The following RFESD variants were observed in gnomAD, a reference collection of about 807,000 sequenced individuals.
RFESD encodes the protein Rieske Fe-S domain containing, also known as Rieske domain-containing protein.
A neutral mutation model predicts 24.4 loss-of-function variants in RFESD; 16 were observed. The observed-to-expected ratio is 0.66, with a 90% CI of 0.44 to 1.00. RFESD has a LOEUF of 1.00. Among genes scored for constraint, RFESD ranks in the 50% least tolerant of loss-of-function variants. RFESD has a pLI of 0.00. For missense variants in RFESD, 208 were observed against 247.0 expected (o/e 0.84, Z 1.06); for synonymous variants, 59 against 81.8 (o/e 0.72, Z 1.50).
chr5:95,652,511 C>T, intron 2 of RFESD, 180 bp downstream of exon 2: 1 of 781,676 alleles, frequency 1.3e-6, no homozygotes. Context: ...TGCAAAAATA[C>T]CATTCATTTC....
intron 3 of RFESD, among the ~76,000 whole-genome samples, chr5:95,653,852 C>G (rs1023707079): frequency 3.3e-5 from 5 of 152,094 alleles, no homozygotes; most frequent in Admixed American, 2.0e-4. Flanking sequence ...GAGCTGAGAT[C>G]GTGCTACTGC....
At chr5:95,649,932 C>G (rs1390506169) in intron 1 of RFESD, among the ~76,000 whole-genome samples, 2 of 151,994 alleles carry the variant, frequency 1.3e-5, no homozygotes, top group African/African-American at 2.4e-5. Context: ...TTGTCTGTTC[C>G]CATTTTTCTT....
intron 1 of RFESD, among the ~76,000 whole-genome samples, chr5:95,650,144 G>T (rs1053959842): frequency 1.3e-5 from 2 of 151,996 alleles, no homozygotes; most frequent in African/African-American, 4.8e-5. Context: ...CTTTGCCTTT[G>T]CTTTAAAATA....
At chr5:95,653,853 G>A (rs970087588) in intron 3 of RFESD, among the ~76,000 whole-genome samples, 7 of 152,122 alleles carry the variant, frequency 4.6e-5, no homozygotes, top group African/African-American at 7.2e-5. Context: ...AGCTGAGATC[G>A]TGCTACTGCA....
intron 1 of RFESD, 74 bp from the exon 2 acceptor site, chr5:95,652,063 A>G: frequency 2.2e-6 from 1 of 454,984 alleles, no homozygotes; most frequent in Non-Finnish European, 3.7e-6. Flanking sequence ...TTCATGTATT[A>G]TTTATTGTTT....
Position 95,652,185 on chromosome 5 carries a change from C to A in RFESD, c.-87C>A. 1 of 1,461,030 alleles carries A rather than the reference C, an allele frequency of 6.8e-7. No individual in the cohort carries two copies. 90.5% of individuals were successfully genotyped at this position (1,461,030 alleles called of 1,614,324 possible). ...GGAGAATATAAGACAGAGAAGAAAG[C>A]TGTGAATGAATTTCATTTGATTAGC... On this transcript the variant is annotated 5_prime_UTR_variant, in exon 2 of 6. It adds an upstream start codon to the 5' untranslated region. Coordinates refer to ENST00000380005, the MANE Select transcript of RFESD (RefSeq NM_001131066.2).
intron 1 of RFESD, chr5:95,647,170 A>G (rs1272130028): frequency 3.3e-5 from 5 of 152,136 alleles, no homozygotes; most frequent in Admixed American, 6.5e-5. Flanking sequence ...TCCTGGAGAT[A>G]CTCGCCTCCT....
rs771678629 is a variant in RFESD, at chr5:95,656,248, T to G, written c.572T>G (p.Phe191Cys). 5.6e-6 allele frequency: 9 copies of G among 1,613,434 alleles called. No homozygotes were observed. The South Asian group carries it at 8.8e-5, about 16-fold the overall frequency. Residue 191 changes from phenylalanine (F) to cysteine (C), a missense_variant, in exon 6 of 6, where the codon TTT becomes TGT. Phe to Cys is a radical substitution (Grantham distance 205, BLOSUM62 -2). Transcript: ENST00000380005. ...NIYVTLSNEP[F>C]KCDSDFYATG... ...TATGTGACTCTTTCTAATGAACCTTTTAAGTGTGACTCTGATTTTTATGCC... is the reference window on the plus strand; with the variant it reads ...TATGTGACTCTTTCTAATGAACCTTGTAAGTGTGACTCTGATTTTTATGCC...
chr5:95,652,838 G>T, intron 2 of RFESD: 1 of 378,648 alleles, frequency 2.6e-6, no homozygotes, highest in Non-Finnish European at 4.7e-6. Flanking sequence ...CCTTTTTCAT[G>T]GACCCCTAGC....
Position 95,656,103 on chromosome 5 carries a change from G to C in RFESD, c.427G>C (p.Ala143Pro). 3 of 1,613,636 alleles carry C rather than the reference G, an allele frequency of 1.9e-6. No individual in the cohort carries two copies. The highest frequency in any genetic ancestry group is 2.5e-6 in the Non-Finnish European group (3 of 1,179,688). The change falls in exon 6 of 6, where the codon GCA (alanine) becomes CCA (proline). Residue 143 changes from alanine (A) to proline (P), a missense_variant. By Grantham distance (27) the Ala-to-Pro change is conservative (BLOSUM62 -1). Transcript: ENST00000380005. ...CTGGCATAAATACAAAATTACTTTG[G>C]CAACAGGAGAAGGTCTGTACCAGTC... ...CPWHKYKITL[A>P]TGEGLYQSIN... is the part of the protein sequence containing the mutation.
At chr5:95,653,688 C>T (rs1750508457) in intron 3 of RFESD, among the ~76,000 whole-genome samples, 1 of 152,142 alleles carries the variant, frequency 6.6e-6, no homozygotes, top group South Asian at 2.1e-4. Context: ...TACTTGAGGT[C>T]AGGAGTTTGA....
At chr5:95,650,985 C>T (rs1750302537) in intron 1 of RFESD, among the ~76,000 whole-genome samples, 1 of 151,352 alleles carries the variant, frequency 6.6e-6, no homozygotes, top group Admixed American at 6.6e-5. Flanking sequence ...GTAGTCCCAG[C>T]TACTTGGGAA....
intron 5 of RFESD, among the ~76,000 whole-genome samples, chr5:95,654,793 GGAT>G (rs1750629144): frequency 6.6e-6 from 1 of 152,028 alleles, no homozygotes; most frequent in Non-Finnish European, 1.5e-5. Context: ...GCACGTCATA[GGAT>G]GATAATAGTC....
At position 95,654,040 on chromosome 5, in the gene RFESD, TCC is replaced by T; in HGVS notation, c.159-20_159-19del. ...AATTAGTGAATACTTCTTGTAACTT[TCC>T]TTCTTTATGTTCAACTAGCATGAAT... On this transcript the variant is annotated intron_variant, in intron 3 of 5. Coordinates refer to ENST00000380005, the MANE Select transcript of RFESD (RefSeq NM_001131066.2). 1 of 1,600,466 alleles carries T rather than the reference TCC, an allele frequency of 6.2e-7. No homozygotes were observed. Among genetic ancestry groups the T allele is most frequent in the South Asian group, 1.1e-5 (1 of 88,824 alleles).
At chr5:95,648,716 A>G (rs749628602) in intron 1 of RFESD, among the ~76,000 whole-genome samples, 10 of 152,286 alleles carry the variant, frequency 6.6e-5, no homozygotes, top group Non-Finnish European at 1.0e-4. Context: ...CAGTCCCGTA[A>G]AAGTTCACCA....
At chr5:95,647,478 C>T (rs1040318537) in intron 1 of RFESD, 36 of 152,204 alleles carry the variant, frequency 2.4e-4, no homozygotes, top group African/African-American at 7.7e-4. Flanking sequence ...CCCCAAATCA[C>T]GCAGAACTGG....
In RFESD at chr5:95,657,321, T is replaced by C. The variant is rs983717635; in HGVS notation, c.*1012T>C. Reference sequence around the variant, plus strand: ...TTCAGTTGCAATGATGGTCATACCGTACCAGTTGTAATGTATTTAAAATAA... The same window carrying C: ...TTCAGTTGCAATGATGGTCATACCGCACCAGTTGTAATGTATTTAAAATAA... On this transcript the variant is annotated 3_prime_UTR_variant, in exon 6 of 6. Transcript: ENST00000380005. The C allele has an allele frequency of 6.6e-6, 1 of 151,944 alleles. No homozygotes were observed. The highest frequency in any genetic ancestry group is 2.4e-5 in the African/African-American group (1 of 41,364). 9.4% of individuals were successfully genotyped at this position (151,944 alleles called of 1,614,324 possible). A position where few individuals can be genotyped will look rare whatever the true frequency, so the allele number is the denominator to read the frequency against.
rs756991058 is a variant in RFESD, at chr5:95,654,345, C to T, written c.347C>T (p.Pro116Leu). ...MDIRCYHSGG[P>L]LHLGDIEDFD... ...AATTCCTTTTCAGACTCAGGAGGAC[C>T]TTTACATTTGGGAGATATAGAGGTA... Residue 116 changes from proline (P) to leucine (L), a missense_variant, in exon 5 of 6, where the codon CCT becomes CTT. Coordinates refer to ENST00000380005, the MANE Select transcript of RFESD (RefSeq NM_001131066.2). The T allele has an allele frequency of 1.2e-6, 2 of 1,608,184 alleles. No homozygotes were observed. The highest frequency in any genetic ancestry group is 1.7e-5 in the Admixed American group (1 of 59,854).
At position 95,646,867 on chromosome 5, in the gene RFESD, T is replaced by C. The variant is rs895934491; in HGVS notation, c.-136+50T>C. 9 of 152,654 alleles carry C rather than the reference T, an allele frequency of 5.9e-5. 1 individual carries two copies. The highest frequency in any genetic ancestry group is 2.1e-4 in the South Asian group (1 of 4,840). The allele number at this position is 152,654 out of a possible 1,614,324, so 9.5% of individuals were successfully genotyped here. A position where few individuals can be genotyped will look rare whatever the true frequency, so the allele number is the denominator to read the frequency against. On this transcript the variant is annotated intron_variant, in intron 1 of 5. Coordinates refer to ENST00000380005, the MANE Select transcript of RFESD (RefSeq NM_001131066.2). Reference sequence around the variant, plus strand: ...GGGGCGGGCTGGCGGGACCAGCTGCTTCCGGCTGGGCTGCGGGCGTGGACT... The same window carrying C: ...GGGGCGGGCTGGCGGGACCAGCTGCCTCCGGCTGGGCTGCGGGCGTGGACT...
Sources: allele counts gnomAD v4.1 joint callset (sites outside exome capture counted in the v4.1 genomes callset), GRCh38; gene constraint gnomAD v4.1.1; transcripts MANE v1.5; gene names NCBI Gene and HGNC (gene_info 2026-07-23, HGNC 2026-07-21).